Variants in LRP1B observed in about 807,000 individuals in gnomAD.
LRP1B encodes low-density lipoprotein receptor-related protein 1B.
Under a neutral mutation model 556.6 loss-of-function variants are expected in LRP1B, and 217 were observed. That is an observed-to-expected ratio of 0.39 (90% CI 0.35 to 0.44). The LOEUF is 0.44. Among genes scored for constraint, LRP1B ranks in the 20% least tolerant of loss-of-function variants. The pLI, the probability that LRP1B is intolerant of heterozygous loss-of-function variation, is 1.00. For synonymous variants in LRP1B, 2,047 were observed against 1,865.8 expected, an observed-to-expected ratio of 1.10 and a Z score of -2.50; for missense variants, 5,053 against 5,620.8, an observed-to-expected ratio of 0.90 and a Z score of 3.23.
At chr2:141,680,386 G>A (rs1368885266) in intron 2 of LRP1B, among the ~76,000 whole-genome samples, 1 of 152,086 alleles carries the variant, frequency 6.6e-6, no homozygotes, top group Non-Finnish European at 1.5e-5. Flanking sequence ...CATAGACAAA[G>A]AAAGTTGAGC....
intron 2 of LRP1B, among the ~76,000 whole-genome samples, chr2:141,686,532 G>C (rs1558804036): frequency 6.6e-6 from 1 of 151,954 alleles, no homozygotes; most frequent in East Asian, 1.9e-4. Flanking sequence ...GACTATGGTA[G>C]TTGTCATCAA....
At chr2:141,524,555 GT>G (rs951631987) in intron 2 of LRP1B, among the ~76,000 whole-genome samples, 3 of 151,494 alleles carry the variant, frequency 2.0e-5, no homozygotes, top group Non-Finnish European at 2.9e-5. Flanking sequence ...AACATTGTAA[GT>G]TTTTTTTTGT....
intron 2 of LRP1B, among the ~76,000 whole-genome samples, chr2:141,803,893 A>G (rs1193162398): frequency 6.6e-6 from 1 of 152,162 alleles, no homozygotes; most frequent in Non-Finnish European, 1.5e-5. Flanking sequence ...GTTCATTAAA[A>G]TCCTACTACC....
chr2:140,534,095 C>T lies in LRP1B; in HGVS notation c.7688G>A (p.Arg2563His), dbSNP rs140124934. Reference protein sequence around the residue: ...RRGFKPCYNRRCIPHGKLCDG... With the variant: ...RRGFKPCYNRHCIPHGKLCDG... Reference sequence around the variant, plus strand: ...ACATAACTTGCCATGAGGAATGCAGCGGCGATTATAGCATGGCTTGAAGCC... The same window carrying T: ...ACATAACTTGCCATGAGGAATGCAGTGGCGATTATAGCATGGCTTGAAGCC... Residue 2563 changes from arginine (R) to histidine (H), a missense_variant, in exon 47 of 91, where the codon CGC becomes CAC. This residue lies in a region of LRP1B where 3,619 missense variants were observed against 3,931.9 expected (regional missense o/e 0.92). Transcript: ENST00000389484. 4.0e-4 allele frequency: 643 copies of T among 1,613,240 alleles called. 2 individuals carry two copies. Among genetic ancestry groups the T allele is most frequent in the Non-Finnish European group, 5.1e-4 (606 of 1,179,438 alleles).
chr2:141,200,648 G>A (rs1195577675), intron 6 of LRP1B, among the ~76,000 whole-genome samples: 1 of 151,958 alleles, frequency 6.6e-6, no homozygotes, highest in Non-Finnish European at 1.5e-5. Context: ...TACACACGCG[G>A]TGACTCATCC....
At chr2:141,406,155 G>A (rs1559052678) in intron 3 of LRP1B, among the ~76,000 whole-genome samples, 1 of 152,042 alleles carries the variant, frequency 6.6e-6, no homozygotes, top group Non-Finnish European at 1.5e-5. Flanking sequence ...TGAGAAAATT[G>A]AGACACAAAG....
chr2:141,728,822 G>T (rs1388669499), intron 2 of LRP1B, among the ~76,000 whole-genome samples: 2 of 152,126 alleles, frequency 1.3e-5, no homozygotes, highest in East Asian at 3.9e-4. Flanking sequence ...CAACATCATT[G>T]ATTGACTCTA....
chr2:140,769,366 AG>A lies in LRP1B; in HGVS notation c.5627-23del, dbSNP rs746903427. On this transcript the variant is annotated intron_variant, in intron 34 of 90. Coordinates refer to ENST00000389484, the MANE Select transcript of LRP1B (RefSeq NM_018557.3). ...ATACCTAAATGCAGGGCCGGAGATA[AG>A]GGGGGGAAGGGAAGCCCAGAATGAA... 28 of 1,570,468 alleles carry A rather than the reference AG, an allele frequency of 1.8e-5. No individual in the cohort carries two copies. The South Asian group carries it at 2.0e-4, about 11-fold the overall frequency.
intron 43 of LRP1B, among the ~76,000 whole-genome samples, chr2:140,550,024 G>A (rs542718758): frequency 3.3e-5 from 5 of 151,724 alleles, no homozygotes; most frequent in South Asian, 2.1e-4. Context: ...ACCCTCTGAC[G>A]GGCCCCGATA....
chr2:140,335,705 T>C lies in LRP1B; in HGVS notation c.12026A>G (p.Asn4009Ser), dbSNP rs895552691. 2 of 1,612,576 alleles carry C rather than the reference T, an allele frequency of 1.2e-6. No homozygotes were observed. The highest frequency in any genetic ancestry group is 3.3e-5 in the Admixed American group (2 of 59,890). Residue 4009 changes from asparagine to serine, a missense_variant, in exon 78 of 91, where the codon AAC becomes AGC. Around this residue, in one of 5 missense-constraint regions of LRP1B, gnomAD observed 599 missense variants for 648.4 expected, o/e 0.92. Transcript: ENST00000389484. ...GTTGGGGCCATTCAGCTGCCCTACG[T>C]TGATAGAGTACCTCAGACTGGTCCA... Reference protein sequence around the residue: ...THWTSLRYSINVGQLNGPNCT... With the variant: ...THWTSLRYSISVGQLNGPNCT...
intron 2 of LRP1B, among the ~76,000 whole-genome samples, chr2:141,629,185 A>G (rs1344768462): frequency 6.6e-6 from 1 of 152,150 alleles, no homozygotes; most frequent in Non-Finnish European, 1.5e-5. Flanking sequence ...TAATATTTTA[A>G]ATGCCCAGTG....
At chr2:141,246,981 A>G (rs1430087059) in intron 5 of LRP1B, among the ~76,000 whole-genome samples, 1 of 152,130 alleles carries the variant, frequency 6.6e-6, no homozygotes, top group Non-Finnish European at 1.5e-5. Flanking sequence ...AAAGAAAAAA[A>G]AGAAAGGAAG....
chr2:141,667,513 C>T (rs1218100030), intron 2 of LRP1B, among the ~76,000 whole-genome samples: 1 of 152,190 alleles, frequency 6.6e-6, no homozygotes, highest in Non-Finnish European at 1.5e-5. Context: ...AAAGATACTC[C>T]TGGACCTTCA....
At chr2:141,683,830 A>G (rs572776626) in intron 2 of LRP1B, among the ~76,000 whole-genome samples, 1 of 152,268 alleles carries the variant, frequency 6.6e-6, no homozygotes, top group African/African-American at 2.4e-5. Context: ...GCGGCTTAAA[A>G]GGATTAAAAC....
At chr2:140,329,421 A>C (rs1446650995) in intron 79 of LRP1B, among the ~76,000 whole-genome samples, 1 of 152,102 alleles carries the variant, frequency 6.6e-6, no homozygotes, top group African/African-American at 2.4e-5. Flanking sequence ...AAAGAAATAA[A>C]GTGTATTCAA....
chr2:140,656,895 C>T (rs1684898252), intron 41 of LRP1B, among the ~76,000 whole-genome samples: 1 of 152,042 alleles, frequency 6.6e-6, no homozygotes, highest in African/African-American at 2.4e-5. Context: ...CTTGCAATAG[C>T]TAACTAGGGT....
In LRP1B at chr2:140,683,709, A is replaced by G. The variant is rs1685944346; in HGVS notation, c.6799+16541T>C. 4 of 735,224 alleles carry G rather than the reference A, an allele frequency of 5.4e-6. No individual in the cohort carries two copies. The South Asian group carries it at 5.8e-5, about 11-fold the overall frequency. 45.5% of individuals were successfully genotyped at this position (735,224 alleles called of 1,614,324 possible). ...CTTCACTCCGGGCTGGACTGTCATT[A>G]GAGACACTCTGTGCTCCCCGGGCTA... is the stretch of plus-strand genomic sequence containing the variant. On this transcript the variant is annotated intron_variant, in intron 41 of 90. Coordinates refer to ENST00000389484, the MANE Select transcript of LRP1B (RefSeq NM_018557.3).
At chr2:140,559,080 A>C (rs999237003) in intron 43 of LRP1B, among the ~76,000 whole-genome samples, 1 of 152,184 alleles carries the variant, frequency 6.6e-6, no homozygotes, top group Non-Finnish European at 1.5e-5. Flanking sequence ...TCTTGCAAAA[A>C]TATCTAATTG....
intron 1 of LRP1B, among the ~76,000 whole-genome samples, chr2:142,067,095 A>G (rs1013131557): frequency 4.0e-5 from 6 of 151,594 alleles, no homozygotes; most frequent in Admixed American, 2.6e-4. Context: ...TCATCATTCC[A>G]AACTCTGCTT....
Sources: gnomAD v4.1 joint callset for allele counts (sites outside exome capture counted in the v4.1 genomes callset) on GRCh38, gnomAD v4.1.1 for gene constraint, gnomAD v4.1.1 regional missense constraint, MANE v1.5 for transcripts, NCBI Gene and HGNC (gene_info 2026-07-23, HGNC 2026-07-21) for gene names.